ITGAV: variants seen among roughly 807,000 people sequenced by gnomAD.
ITGAV encodes the protein integrin subunit alpha V, also known as integrin alpha-V.
A neutral mutation model predicts 143.8 loss-of-function variants in ITGAV; 76 were observed. That is an observed-to-expected ratio of 0.53 (90% confidence interval 0.44 to 0.64). The LOEUF (loss-of-function observed/expected upper bound fraction) is 0.64, where lower values mean the gene tolerates loss of function less well. Ranked by LOEUF, ITGAV falls within the 30% of genes least tolerant of loss-of-function variation. ITGAV has a pLI of 0.00. For synonymous variants in ITGAV, 453 were observed against 446.7 expected (o/e 1.01, Z -0.18); for missense variants, 1,193 against 1,274.7 (o/e 0.94, Z 0.98).
intron 12 of ITGAV, among the ~76,000 whole-genome samples, chr2:186,646,341 G>A (rs541276283): frequency 6.6e-6 from 1 of 152,152 alleles, no homozygotes; most frequent in South Asian, 2.1e-4. Flanking sequence ...GTTTTAATGA[G>A]GAAGCATTTG....
intron 2 of ITGAV, among the ~76,000 whole-genome samples, chr2:186,615,627 C>A (rs922230202): frequency 2.0e-5 from 3 of 150,866 alleles, no homozygotes; most frequent in Non-Finnish European, 3.0e-5. Flanking sequence ...TATTCAAATT[C>A]TTTGCTCATT....
At position 186,641,351 on chromosome 2, in the gene ITGAV, G is replaced by T. The variant is rs771333796; in HGVS notation, c.957-35G>T. 1.9e-6 allele frequency: 3 copies of T among 1,552,802 alleles called. No homozygotes were observed. The Admixed American group carries it at 5.0e-5, about 26-fold the overall frequency. Reference sequence around the variant, plus strand: ...AAATGCCTACTAAGACATGAAATTTGTTCTTGCTTTGGTGAGAAGTTTCTG... The same window carrying T: ...AAATGCCTACTAAGACATGAAATTTTTTCTTGCTTTGGTGAGAAGTTTCTG... On this transcript the variant is annotated intron_variant, in intron 11 of 29. Coordinates refer to ENST00000261023, the MANE Select transcript of ITGAV (RefSeq NM_002210.5).
intron 2 of ITGAV, among the ~76,000 whole-genome samples, chr2:186,615,908 T>G (rs1439177044): frequency 6.6e-6 from 1 of 152,232 alleles, no homozygotes; most frequent in Non-Finnish European, 1.5e-5. Context: ...TTGTTTTCTT[T>G]TAAGAGTTTT....
chr2:186,609,230 A>G (rs953143699), intron 2 of ITGAV, among the ~76,000 whole-genome samples: 1 of 152,176 alleles, frequency 6.6e-6, no homozygotes, highest in African/African-American at 2.4e-5. Context: ...TGTTGGGCTA[A>G]TTAGTAATTC....
Position 186,679,171 on chromosome 2 carries a change from T to A in ITGAV, c.*1879T>A, listed in dbSNP as rs78655668. 1 of 152,496 alleles carries A rather than the reference T, an allele frequency of 6.6e-6. No individual in the cohort carries two copies. The highest frequency in any genetic ancestry group is 1.5e-5 in the Non-Finnish European group (1 of 68,248). 9.4% of individuals were successfully genotyped at this position (152,496 alleles called of 1,614,324 possible). A position where few individuals can be genotyped will look rare whatever the true frequency, so the allele number is the denominator to read the frequency against. On this transcript the variant is annotated 3_prime_UTR_variant, in exon 30 of 30. Coordinates refer to ENST00000261023, the MANE Select transcript of ITGAV (RefSeq NM_002210.5). Reference sequence around the variant, plus strand: ...TGCCACCAATCAGTAAGTTAGTCTATAACAAATTTTACCCTAACAGTTTTA... The same window carrying A: ...TGCCACCAATCAGTAAGTTAGTCTAAAACAAATTTTACCCTAACAGTTTTA...
chr2:186,606,354 G>A (rs1418571692), intron 2 of ITGAV, among the ~76,000 whole-genome samples: 1 of 152,160 alleles, frequency 6.6e-6, no homozygotes, highest in Non-Finnish European at 1.5e-5. Flanking sequence ...GACGTTGCAC[G>A]GGTTACTGTT....
At chr2:186,603,155 A>G (rs901585599) in intron 2 of ITGAV, among the ~76,000 whole-genome samples, 2 of 151,996 alleles carry the variant, frequency 1.3e-5, no homozygotes, top group Non-Finnish European at 2.9e-5. Context: ...GTGAAATCTT[A>G]GATAGTCCTT....
chr2:186,677,316 A>G lies in ITGAV; in HGVS notation c.*24A>G, dbSNP rs1689242880. 3 of 1,539,734 alleles carry G rather than the reference A, an allele frequency of 1.9e-6. No individual in the cohort carries two copies. The highest frequency in any genetic ancestry group is 2.7e-5 in the African/African-American group (2 of 73,156). On this transcript the variant is annotated 3_prime_UTR_variant, in exon 30 of 30. Coordinates refer to ENST00000261023, the MANE Select transcript of ITGAV (RefSeq NM_002210.5). ...AACTGCAGTTTTTAAGTTATGCTAC[A>G]TCTTGACCCACTAGAATTAGCAACT...
At chr2:186,673,342 A>C (rs532076484) in intron 26 of ITGAV, among the ~76,000 whole-genome samples, 1 of 152,212 alleles carries the variant, frequency 6.6e-6, no homozygotes, top group Non-Finnish European at 1.5e-5. Context: ...CAGGTTTTGA[A>C]ATAGGGAAAT....
Position 186,656,351 on chromosome 2 carries a change from A to G in ITGAV, c.1669A>G (p.Ile557Val), listed in dbSNP as rs201190961. 73 of 1,561,730 alleles carry G rather than the reference A, an allele frequency of 4.7e-5. No individual in the cohort carries two copies. Among genetic ancestry groups the G allele is most frequent in the Admixed American group, 1.6e-4 (8 of 49,376 alleles). Residue 557 changes from isoleucine to valine, a missense_variant, in exon 17 of 30, where the codon ATT (isoleucine) becomes GTT (valine). By Grantham distance (29) the Ile-to-Val change is conservative. Coordinates refer to ENST00000261023, the MANE Select transcript of ITGAV (RefSeq NM_002210.5). ...RSPSHSKNMT[I>V]SRGGLMQCEE... is the part of the protein sequence containing the mutation. ...CCCAAGTCACTCCAAGAACATGACTATTTCAAGGGGGGGACTGATGCAGTG... is the reference window on the plus strand; with the variant it reads ...CCCAAGTCACTCCAAGAACATGACTGTTTCAAGGGGGGGACTGATGCAGTG...
chr2:186,665,877 T>G (rs1415804599), intron 21 of ITGAV, among the ~76,000 whole-genome samples: 1 of 152,208 alleles, frequency 6.6e-6, no homozygotes. Context: ...TTCTTTAGTA[T>G]GTTTTCTATT....
intron 2 of ITGAV, among the ~76,000 whole-genome samples, chr2:186,606,826 G>T (rs1687080327): frequency 6.6e-6 from 1 of 152,094 alleles, no homozygotes; most frequent in Non-Finnish European, 1.5e-5. Context: ...CAACCCAGCA[G>T]TGATTCTAAC....
At chr2:186,601,438 T>G (rs1347652687) in intron 1 of ITGAV, among the ~76,000 whole-genome samples, 1 of 150,812 alleles carries the variant, frequency 6.6e-6, no homozygotes, top group Non-Finnish European at 1.5e-5. Flanking sequence ...CCAGCCTGGG[T>G]GACAAAGCAA....
Position 186,656,283 on chromosome 2 carries a change from A to C in ITGAV, c.1601A>C (p.Gln534Pro). 6.3e-7 allele frequency: 1 copy of C among 1,585,224 alleles called. No individual in the cohort carries two copies. The highest frequency in any genetic ancestry group is 8.5e-7 in the Non-Finnish European group (1 of 1,169,888). The change falls in exon 17 of 30, where the codon CAA (glutamine) becomes CCA (proline). Residue 534 changes from glutamine (Q) to proline (P), a missense_variant. Physicochemically the swap from Gln to Pro is moderately conservative, Grantham distance 76. Transcript: ENST00000261023. ...QVELLLDKLK[Q>P]KGAIRRALFL... ...GAACTTCTTTTGGATAAACTCAAGC[A>C]AAAGGGAGCAATTCGACGAGCACTG...
intron 18 of ITGAV, among the ~76,000 whole-genome samples, chr2:186,663,425 A>G (rs1688802597): frequency 6.6e-6 from 1 of 152,202 alleles, no homozygotes; most frequent in Non-Finnish European, 1.5e-5. Context: ...CAGCAGGGTA[A>G]AAATGAAGCC....
intron 20 of ITGAV, 105 bp from the exon 21 acceptor site, chr2:186,665,021 C>T (rs1688849654): frequency 1.3e-6 from 1 of 742,714 alleles, no homozygotes; most frequent in Non-Finnish European, 2.2e-6. Flanking sequence ...TCCTGGTTTG[C>T]TCAACTAGAT....
At chr2:186,637,339 G>A (rs115511941) in intron 8 of ITGAV, among the ~76,000 whole-genome samples, 71 of 151,902 alleles carry the variant, frequency 4.7e-4, no homozygotes, top group African/African-American at 1.4e-3. Context: ...AAAATTAGCC[G>A]GGCGCGGTGA....
chr2:186,613,615 G>C (rs772533368), intron 2 of ITGAV, among the ~76,000 whole-genome samples: 3 of 152,054 alleles, frequency 2.0e-5, no homozygotes, highest in Non-Finnish European at 4.4e-5. Context: ...TTTGGATTTA[G>C]GGAACTTGGT....
intron 12 of ITGAV, 135 bp downstream of exon 12, chr2:186,641,723 A>G (rs1688109129): frequency 3.0e-6 from 2 of 668,750 alleles, no homozygotes; most frequent in African/African-American, 3.6e-5. Flanking sequence ...AGTGAGTAAC[A>G]CACCAAATTT....
Sources: gnomAD v4.1 joint callset for allele counts (sites outside exome capture counted in the v4.1 genomes callset) on GRCh38, gnomAD v4.1.1 for gene constraint, MANE v1.5 for transcripts, NCBI Gene and HGNC (gene_info 2026-07-23, HGNC 2026-07-21) for gene names.